Variants in STK32C observed in about 807,000 individuals in gnomAD.
The protein encoded by STK32C is serine/threonine kinase 32C.
A neutral mutation model predicts 56.5 loss-of-function variants in STK32C; 31 were observed. The ratio of observed to expected loss-of-function variants is 0.55; its 90% CI spans 0.41 to 0.74. The LOEUF is 0.74. Ranked by LOEUF, STK32C falls within the 30% of genes least tolerant of loss-of-function variation. The pLI is 0.00. For synonymous variants in STK32C, 309 were observed against 289.4 expected (o/e 1.07, Z -0.69); for missense variants, 544 against 676.9 (o/e 0.80, Z 2.18).
chr10:132,278,632 G>T (rs1396259914), intron 1 of STK32C, among the ~76,000 whole-genome samples: 1 of 151,824 alleles, frequency 6.6e-6, no homozygotes, highest in East Asian at 1.9e-4. Context: ...GTGGTGGCAG[G>T]CGCCTGTACT....
intron 1 of STK32C, among the ~76,000 whole-genome samples, chr10:132,288,420 A>G (rs2065475794): frequency 6.6e-6 from 1 of 152,242 alleles, no homozygotes; most frequent in Non-Finnish European, 1.5e-5. Flanking sequence ...GGAATGAGAC[A>G]AAGATGCAGA....
exon 2 of STK32C, chr10:132,324,268 C>T (rs761658985): frequency 2.3e-5 from 18 of 779,650 alleles, no homozygotes; most frequent in Non-Finnish European, 3.8e-5. Context: ...ACAGAACACA[C>T]CCCCAGCTTT....
Position 132,211,728 on chromosome 10 carries a change from C to T in STK32C, c.1252-2627G>A, listed in dbSNP as rs73401710. ...GTCAGAAGGCCACAGAGGGGCCCTT[C>T]GCCCATGACTGACTGGTGTGGGTGT... On this transcript the variant is annotated intron_variant, in intron 10 of 11. Coordinates refer to ENST00000298630, the MANE Select transcript of STK32C (RefSeq NM_173575.4). 7.7e-3 allele frequency among the ~76,000 whole-genome samples: 1,166 copies of T among 152,298 alleles called. 17 individuals carry two copies. Among genetic ancestry groups the T allele is most frequent in the African/African-American group, 0.026 (1,064 of 41,552 alleles).
At chr10:132,331,970 C>T (rs1450621805), upstream of STK32C, 82 of 495,148 alleles carry the variant, frequency 1.7e-4, no homozygotes, top group Admixed American at 8.8e-5. Context: ...CCACACCCCG[C>T]CCCCTCCCGG....
At chr10:132,316,831 G>A (rs2066319083) in intron 1 of STK32C, among the ~76,000 whole-genome samples, 1 of 152,022 alleles carries the variant, frequency 6.6e-6, no homozygotes. Flanking sequence ...AAAGGCTGGT[G>A]GATCACAAGG....
downstream of STK32C, among the ~76,000 whole-genome samples, chr10:132,321,628 G>C (rs1403191387): frequency 6.6e-6 from 1 of 152,132 alleles, no homozygotes; most frequent in Non-Finnish European, 1.5e-5. Context: ...TCAGGAGTTC[G>C]AGACCAGCCT....
chr10:132,220,954 A>G (rs2062618148), intron 10 of STK32C, among the ~76,000 whole-genome samples: 1 of 152,336 alleles, frequency 6.6e-6, no homozygotes, highest in South Asian at 2.1e-4. Flanking sequence ...TTATCAAGAC[A>G]GGGGAGCTGC....
At chr10:132,311,974 AC>A (rs2066231321), upstream of STK32C, among the ~76,000 whole-genome samples, 3 of 152,174 alleles carry the variant, frequency 2.0e-5, no homozygotes, top group African/African-American at 7.2e-5. The surrounding 1 kb of genome is among the most constrained non-coding windows in gnomAD (Gnocchi z 4.4). Context: ...CAAAGTCCCA[AC>A]CATTACAGCA....
chr10:132,326,626 A>G (rs1385489334), intron 1 of STK32C, among the ~76,000 whole-genome samples: 3 of 152,198 alleles, frequency 2.0e-5, no homozygotes, highest in Non-Finnish European at 2.9e-5. Flanking sequence ...CCCAGCCAAG[A>G]TCTCTATTTT....
At chr10:132,319,201 G>T (rs966887003), downstream of STK32C, among the ~76,000 whole-genome samples, 3 of 152,078 alleles carry the variant, frequency 2.0e-5, no homozygotes, top group African/African-American at 7.2e-5. Flanking sequence ...CGCCCACCTC[G>T]GCCTCCCAAA....
At chr10:132,320,513 G>A (rs543150475), downstream of STK32C, among the ~76,000 whole-genome samples, 1 of 152,234 alleles carries the variant, frequency 6.6e-6, no homozygotes, top group East Asian at 1.9e-4. Flanking sequence ...CACGGTTATG[G>A]AAGTGAGGTC....
At chr10:132,208,572 C>T (rs1286225728) in intron 11 of STK32C, among the ~76,000 whole-genome samples, 1 of 152,178 alleles carries the variant, frequency 6.6e-6, no homozygotes, top group African/African-American at 2.4e-5. Flanking sequence ...CCTCCTTGCC[C>T]CGTGCGGGCA....
intron 2 of STK32C, among the ~76,000 whole-genome samples, chr10:132,228,822 G>A (rs930479105): frequency 1.3e-5 from 2 of 152,242 alleles, no homozygotes; most frequent in African/African-American, 2.4e-5. Flanking sequence ...TCAACACCGT[G>A]AGGCCAAGGC....
At chr10:132,225,945 A>G (rs953737135) in intron 4 of STK32C, among the ~76,000 whole-genome samples, 161 bp from the exon 5 acceptor site, 2 of 151,952 alleles carry the variant, frequency 1.3e-5, no homozygotes, top group Non-Finnish European at 2.9e-5. Context: ...AGGACCTCAC[A>G]CCCCTGCGTG....
chr10:132,236,078 C>T (rs538458791), intron 2 of STK32C, among the ~76,000 whole-genome samples: 1 of 152,306 alleles, frequency 6.6e-6, no homozygotes, highest in African/African-American at 2.4e-5. Context: ...TGTTCCTCCT[C>T]TATACCATGT....
chr10:132,237,642 T>C (rs184504930), intron 2 of STK32C, among the ~76,000 whole-genome samples: 4 of 152,186 alleles, frequency 2.6e-5, no homozygotes, highest in African/African-American at 9.6e-5. Context: ...GGAACCTGAG[T>C]GTGCCGGCGG....
At chr10:132,220,874 G>GGTTTAC (rs1277054739) in intron 10 of STK32C, among the ~76,000 whole-genome samples, 1 of 152,140 alleles carries the variant, frequency 6.6e-6, no homozygotes, top group Non-Finnish European at 1.5e-5. Flanking sequence ...CTGGACTTCC[G>GGTTTAC]ATTTACAGAA....
At chr10:132,313,294 A>G (rs901500405) in intron 1 of STK32C, among the ~76,000 whole-genome samples, 2 of 152,234 alleles carry the variant, frequency 1.3e-5, no homozygotes, top group Non-Finnish European at 2.9e-5. Context: ...AGCAGCTAAC[A>G]AGCACTGGCC....
intron 1 of STK32C, among the ~76,000 whole-genome samples, chr10:132,267,045 G>A (rs2064563295): frequency 1.3e-5 from 2 of 152,168 alleles, no homozygotes; most frequent in Non-Finnish European, 2.9e-5. Context: ...CGCTGCAGTG[G>A]GGAGACCCAA....
Sources: allele counts gnomAD v4.1 joint callset (sites outside exome capture counted in the v4.1 genomes callset), GRCh38; gene constraint gnomAD v4.1.1; non-coding constraint Gnocchi (gnomAD v3.1); transcripts MANE v1.5; gene names NCBI Gene and HGNC (gene_info 2026-07-23, HGNC 2026-07-21).